TTC17: variants seen among roughly 807,000 people sequenced by gnomAD.
TTC17 encodes tetratricopeptide repeat protein 17.
In TTC17, 58 loss-of-function variants were observed where a neutral mutation model predicts 143.8. The observed-to-expected ratio is 0.40, with a 90% CI of 0.33 to 0.50. The LOEUF (loss-of-function observed/expected upper bound fraction) is 0.50, where lower values mean the gene tolerates loss of function less well. Ranked by LOEUF, TTC17 falls within the 20% of genes least tolerant of loss-of-function variation. TTC17 has a pLI of 0.49. For synonymous variants in TTC17, 501 were observed against 497.8 expected (o/e 1.01, Z -0.09); for missense variants, 1,273 against 1,392.5 (o/e 0.91, Z 1.37).
chr11:43,392,708 A>G (rs1857436090), intron 5 of TTC17, among the ~76,000 whole-genome samples: 1 of 152,166 alleles, frequency 6.6e-6, no homozygotes, highest in Non-Finnish European at 1.5e-5. Flanking sequence ...TCTGAAGGTA[A>G]TGTAAAACTT....
chr11:43,371,674 G>A (rs978635701), intron 1 of TTC17, among the ~76,000 whole-genome samples: 14 of 152,152 alleles, frequency 9.2e-5, no homozygotes, highest in African/African-American at 3.1e-4. Context: ...CAGAGGTTAA[G>A]GGGTGGGGCT....
intron 2 of TTC17, among the ~76,000 whole-genome samples, chr11:43,382,581 G>A (rs1857012229): frequency 6.6e-6 from 1 of 152,162 alleles, no homozygotes; most frequent in Non-Finnish European, 1.5e-5. Context: ...TTTTTAAGTA[G>A]TCTTGCCAAA....
intron 16 of TTC17, among the ~76,000 whole-genome samples, chr11:43,434,896 A>T (rs1947251229): frequency 6.6e-6 from 1 of 152,218 alleles, no homozygotes; most frequent in Admixed American, 6.5e-5. Flanking sequence ...CTCTAAAGTC[A>T]TTAAGTTGGA....
intron 13 of TTC17, 120 bp downstream of exon 13, chr11:43,406,071 G>A (rs1858116668): frequency 1.7e-6 from 2 of 1,207,470 alleles, no homozygotes; most frequent in Admixed American, 2.9e-5. Context: ...TAAAATGGAA[G>A]GATAGAGTTA....
intron 16 of TTC17, among the ~76,000 whole-genome samples, chr11:43,422,846 A>G (rs1252208545): frequency 6.6e-6 from 1 of 152,184 alleles, no homozygotes; most frequent in African/African-American, 2.4e-5. Context: ...TATAGTGAAG[A>G]GCAGGAAAAT....
chr11:43,389,394 G>T (rs974131931), intron 2 of TTC17, among the ~76,000 whole-genome samples: 11 of 152,142 alleles, frequency 7.2e-5, no homozygotes, highest in Admixed American at 6.6e-4. Flanking sequence ...GATGTGCTTC[G>T]TGGGTAGTCA....
At chr11:43,370,645 C>T (rs1446279116) in intron 1 of TTC17, among the ~76,000 whole-genome samples, 1 of 147,758 alleles carries the variant, frequency 6.8e-6, no homozygotes, top group Non-Finnish European at 1.5e-5. Flanking sequence ...AAAAAAAGAA[C>T]ACTTTATAAA....
intron 3 of TTC17, among the ~76,000 whole-genome samples, chr11:43,390,499 C>T (rs1023641318): frequency 1.6e-4 from 24 of 151,960 alleles, no homozygotes; most frequent in Admixed American, 1.4e-3. Context: ...ACCTGTAGTC[C>T]CAGCTACTCG....
chr11:43,377,913 T>G (rs1306074323), intron 1 of TTC17, among the ~76,000 whole-genome samples: 1 of 152,160 alleles, frequency 6.6e-6, no homozygotes, highest in Non-Finnish European at 1.5e-5. Context: ...TTTTGTTTTT[T>G]GTTTTTTTGA....
At chr11:43,407,062 T>C (rs998186930) in intron 13 of TTC17, 76 bp from the exon 14 acceptor site, 5 of 968,882 alleles carry the variant, frequency 5.2e-6, no homozygotes, top group Non-Finnish European at 6.2e-6. Context: ...AAGAAAAGAC[T>C]GCCATCTATA....
At chr11:43,371,054 G>T (rs919684159) in intron 1 of TTC17, among the ~76,000 whole-genome samples, 1 of 151,798 alleles carries the variant, frequency 6.6e-6, no homozygotes, top group African/African-American at 2.4e-5. Flanking sequence ...TATCTCAGGT[G>T]ATCTTTCTTT....
intron 21 of TTC17, among the ~76,000 whole-genome samples, chr11:43,452,864 A>G (rs1947689777): frequency 6.6e-6 from 1 of 152,130 alleles, no homozygotes; most frequent in Non-Finnish European, 1.5e-5. Context: ...TTGAGGTTGC[A>G]GTAAGCTATG....
intron 16 of TTC17, among the ~76,000 whole-genome samples, chr11:43,434,834 T>C (rs532811416): frequency 1.3e-5 from 2 of 152,340 alleles, no homozygotes; most frequent in African/African-American, 2.4e-5. Context: ...CAATGTATAA[T>C]AGTGTAAAAG....
chr11:43,436,018 C>A, intron 16 of TTC17: 1 of 595,366 alleles, frequency 1.7e-6, no homozygotes, highest in Non-Finnish European at 2.4e-6. Flanking sequence ...GCTTTGGGTG[C>A]TGCAGCTCAC....
intron 11 of TTC17, among the ~76,000 whole-genome samples, chr11:43,405,049 AT>A (rs1255033947): frequency 6.7e-6 from 1 of 150,012 alleles, no homozygotes; most frequent in Admixed American, 6.6e-5. Context: ...GGTTTGGTTG[AT>A]TCAGTGGCCC....
At chr11:43,370,131 A>T (rs1481681848) in intron 1 of TTC17, 1 of 454,562 alleles carries the variant, frequency 2.2e-6, no homozygotes, top group Non-Finnish European at 4.4e-6. Flanking sequence ...CTGGGCTGCT[A>T]TTTTTGCGAA....
intron 16 of TTC17, among the ~76,000 whole-genome samples, chr11:43,416,221 T>C (rs1407396532): frequency 6.6e-6 from 1 of 152,052 alleles, no homozygotes; most frequent in East Asian, 1.9e-4. Flanking sequence ...TGTGGTCTTT[T>C]AAATGTTGTA....
chr11:43,493,619 G>A (rs754303546), intron 23 of TTC17, among the ~76,000 whole-genome samples, 154 bp from the exon 24 acceptor site: 46 of 152,218 alleles, frequency 3.0e-4, no homozygotes, highest in Non-Finnish European at 5.7e-4. Context: ...CCTCCCAGAG[G>A]AACCTCAGAG....
At chr11:43,396,953 AC>A in intron 6 of TTC17, 135 bp downstream of exon 6, 3 of 453,472 alleles carry the variant, frequency 6.6e-6, no homozygotes, top group South Asian at 1.4e-4. Flanking sequence ...AATAAGTCCC[AC>A]CACAAAAAAA....
Sources: gnomAD v4.1 joint callset for allele counts (sites outside exome capture counted in the v4.1 genomes callset) on GRCh38, gnomAD v4.1.1 for gene constraint, MANE v1.5 for transcripts, NCBI Gene and HGNC (gene_info 2026-07-23, HGNC 2026-07-21) for gene names.